Variants in TMCC1 observed in about 807,000 individuals in gnomAD.
The protein encoded by TMCC1 is transmembrane and coiled-coil domains protein 1.
Under a neutral mutation model 52.4 loss-of-function variants are expected in TMCC1, and 15 were observed. The ratio of observed to expected loss-of-function variants is 0.29; its 90% CI spans 0.19 to 0.44. The LOEUF is 0.44. Among genes scored for constraint, TMCC1 ranks in the 20% least tolerant of loss-of-function variants. The pLI is 1.00. For synonymous variants in TMCC1, 279 were observed against 301.9 expected (o/e 0.92, Z 0.79); for missense variants, 503 against 806.0 (o/e 0.62, Z 4.55).
At chr3:129,800,152 C>T (rs2057094641) in intron 4 of TMCC1, among the ~76,000 whole-genome samples, 1 of 152,100 alleles carries the variant, frequency 6.6e-6, no homozygotes, top group Admixed American at 6.5e-5. Flanking sequence ...CTTTGCAATC[C>T]ATCCATGCAG....
intron 4 of TMCC1, among the ~76,000 whole-genome samples, chr3:129,748,013 A>G (rs1375755364): frequency 6.6e-6 from 1 of 152,226 alleles, no homozygotes; most frequent in Non-Finnish European, 1.5e-5. Context: ...CACACAGGAT[A>G]AGACTTAGAA....
intron 2 of TMCC1, among the ~76,000 whole-genome samples, chr3:129,858,578 C>A (rs2107924058): frequency 6.6e-6 from 1 of 152,176 alleles, no homozygotes; most frequent in East Asian, 1.9e-4. Context: ...TGTCAGGTTG[C>A]CCAGGCTGGT....
chr3:129,828,478 T>C lies in TMCC1; in HGVS notation c.-100A>G. 1.7e-6 allele frequency: 2 copies of C among 1,155,108 alleles called. No homozygotes were observed. Among genetic ancestry groups the C allele is most frequent in the Non-Finnish European group, 2.5e-6 (2 of 804,850 alleles). The allele number at this position is 1,155,108 out of a possible 1,614,324, so 71.6% of individuals were successfully genotyped here. A position where few individuals can be genotyped will look rare whatever the true frequency, so the allele number is the denominator to read the frequency against. ...CATTTGCTTCAACAGTGACTACGCA[T>C]GCAGCTGTGAGACGAAGGCTTCATG... On this transcript the variant is annotated 5_prime_UTR_variant, in exon 4 of 7. It removes an upstream start codon present in the reference 5' UTR. Coordinates refer to ENST00000393238, the MANE Select transcript of TMCC1 (RefSeq NM_001017395.5). This position sits in a 1 kb window ranked among gnomAD's most constrained non-coding sequence, Gnocchi z 4.1.
At chr3:129,740,977 C>G (rs906311581) in intron 4 of TMCC1, among the ~76,000 whole-genome samples, 1 of 152,182 alleles carries the variant, frequency 6.6e-6, no homozygotes, top group Non-Finnish European at 1.5e-5. Flanking sequence ...TCTGAGATCA[C>G]CAATCTCAGG....
intron 4 of TMCC1, among the ~76,000 whole-genome samples, chr3:129,713,696 G>T (rs2048860085): frequency 6.9e-6 from 1 of 144,332 alleles, no homozygotes; most frequent in Non-Finnish European, 1.5e-5. Context: ...TGACAACACA[G>T]TGAGACCCCC....
chr3:129,828,214 G>A lies in TMCC1; in HGVS notation c.165C>T (p.Leu55=), dbSNP rs1164401338. 6.2e-7 allele frequency: 1 copy of A among 1,614,066 alleles called. No homozygotes were observed. Among genetic ancestry groups the A allele is most frequent in the South Asian group, 1.1e-5 (1 of 91,092 alleles). Residue 55 remains leucine (L), a synonymous_variant, in exon 4 of 7, where the codon CTC becomes CTT. Coordinates refer to ENST00000393238, the MANE Select transcript of TMCC1 (RefSeq NM_001017395.5). This position sits in a 1 kb window ranked among gnomAD's most constrained non-coding sequence, Gnocchi z 4.1. ...ATGACCTCCTGCGCTGGTGCTGGAA[G>A]AGATGCTTCAAGCCTTGGCCAATCA... is the stretch of plus-strand genomic sequence containing the variant. ...INVIGQGLKH[L]FQHQRRRSSV...
intron 2 of TMCC1, among the ~76,000 whole-genome samples, chr3:129,869,427 T>C (rs1040764779): frequency 2.6e-5 from 4 of 152,192 alleles, no homozygotes; most frequent in African/African-American, 4.8e-5. Flanking sequence ...TTAACGAACC[T>C]GAGGAAGGGG....
chr3:129,871,675 G>A (rs1478139975), intron 2 of TMCC1, among the ~76,000 whole-genome samples: 1 of 152,052 alleles, frequency 6.6e-6, no homozygotes, highest in African/African-American at 2.4e-5. Flanking sequence ...CAACACATAA[G>A]CTAATTCCAT....
chr3:129,764,549 T>C (rs954425628), intron 4 of TMCC1, among the ~76,000 whole-genome samples: 2 of 152,094 alleles, frequency 1.3e-5, no homozygotes, highest in African/African-American at 4.8e-5. Flanking sequence ...ATGCAGTTCC[T>C]GTCAAGCAGA....
At chr3:129,774,233 G>A (rs2054842474) in intron 4 of TMCC1, among the ~76,000 whole-genome samples, 1 of 152,044 alleles carries the variant, frequency 6.6e-6, no homozygotes, top group Admixed American at 6.6e-5. Context: ...AAGACTTATG[G>A]GCCACTTCTG....
At position 129,748,062 on chromosome 3, in the gene TMCC1, T is replaced by A. The variant is rs535665821; in HGVS notation, c.577-76798A>T. 7.2e-5 allele frequency among the ~76,000 whole-genome samples: 11 copies of A among 152,310 alleles called. No homozygotes were observed. The South Asian group carries it at 2.3e-3, about 32-fold the overall frequency. On this transcript the variant is annotated intron_variant, in intron 4 of 6. Transcript: ENST00000393238. The stretch of plus-strand genomic sequence containing the variant: ...AATAACTAGGAAAACATGGACTTAA[T>A]CAGCACTCTTAGCTGAGCAAGTAGG...
chr3:129,784,842 T>C (rs912674082), intron 4 of TMCC1, among the ~76,000 whole-genome samples: 1 of 151,952 alleles, frequency 6.6e-6, no homozygotes, highest in African/African-American at 2.4e-5. Flanking sequence ...TGCATGCCTG[T>C]AGTCCCAGCT....
rs1243365248 is a variant in TMCC1, at chr3:129,701,964, T to TA, written c.577-30701dup. 9.9e-5 allele frequency among the ~76,000 whole-genome samples: 15 copies of TA among 152,230 alleles called. No homozygotes were observed. The South Asian group carries it at 2.1e-3, about 21-fold the overall frequency. On this transcript the variant is annotated intron_variant, in intron 4 of 6. Coordinates refer to ENST00000393238, the MANE Select transcript of TMCC1 (RefSeq NM_001017395.5). The stretch of plus-strand genomic sequence containing the variant: ...AATGATTCACCTGATTCTTGTTTTT[T>TA]AAAAAATAGAAAAAAATTTTTTAAA...
chr3:129,878,044 T>A (rs372722616), intron 2 of TMCC1, among the ~76,000 whole-genome samples: 1 of 149,952 alleles, frequency 6.7e-6, no homozygotes, highest in Admixed American at 6.6e-5. Context: ...CTGCAACCTC[T>A]ACCTCCCAAG....
intron 4 of TMCC1, among the ~76,000 whole-genome samples, chr3:129,793,475 T>C (rs944421978): frequency 3.9e-5 from 6 of 152,216 alleles, no homozygotes; most frequent in Non-Finnish European, 7.3e-5. Context: ...AGCTTCTGTA[T>C]TCAGGGAATG....
chr3:129,734,908 T>TG (rs1276025059), intron 4 of TMCC1, among the ~76,000 whole-genome samples: 1 of 151,734 alleles, frequency 6.6e-6, no homozygotes, highest in Non-Finnish European at 1.5e-5. Context: ...TTCGAAATTT[T>TG]TTTTTTTTTT....
At chr3:129,659,574 T>C (rs955159644) in intron 5 of TMCC1, among the ~76,000 whole-genome samples, 1 of 152,154 alleles carries the variant, frequency 6.6e-6, no homozygotes, top group South Asian at 2.1e-4. Context: ...TGGTGAGGAA[T>C]ATATATGAAT....
chr3:129,750,026 G>T (rs1437264794), intron 4 of TMCC1, among the ~76,000 whole-genome samples: 1 of 152,104 alleles, frequency 6.6e-6, no homozygotes, highest in Non-Finnish European at 1.5e-5. Flanking sequence ...TGCATATGAT[G>T]CATTATTATG....
At position 129,887,542 on chromosome 3, in the gene TMCC1, CA is replaced by C. The variant is rs368045992; in HGVS notation, c.-435+5951del. ...GGCGACAGAGCAAGACTCCGTCTCT[CA>C]AAAAAAAAAAAAAAACAACAAAAAA... On this transcript the variant is annotated intron_variant, in intron 1 of 6. Coordinates refer to ENST00000393238, the MANE Select transcript of TMCC1 (RefSeq NM_001017395.5). Among the ~76,000 whole-genome samples, 701 of 91,320 alleles carry C rather than the reference CA, an allele frequency of 7.7e-3. 4 individuals are homozygous for C. The highest frequency in any genetic ancestry group is 0.016 in the East Asian group (44 of 2,764). 59.9% of individuals were successfully genotyped at this position (91,320 alleles called of 152,430 possible).
Sources: allele counts gnomAD v4.1 joint callset (sites outside exome capture counted in the v4.1 genomes callset), GRCh38; gene constraint gnomAD v4.1.1; non-coding constraint Gnocchi (gnomAD v3.1); transcripts MANE v1.5; gene names NCBI Gene and HGNC (gene_info 2026-07-23, HGNC 2026-07-21).